Variants in AFG2A observed in about 807,000 individuals in gnomAD.
AFG2A encodes the protein AAA ATPase AFG2A.
At chr4:123,101,583 A>G in the AFG2A span, among the ~76,000 whole-genome samples, 1 of 151,944 alleles carries the variant, frequency 6.6e-6, no homozygotes, top group Non-Finnish European at 1.5e-5. Flanking sequence ...TGCTCTTTAT[A>G]GTTGCCGTTT....
chr4:122,981,291 T>C, the AFG2A span, among the ~76,000 whole-genome samples: 1 of 152,166 alleles, frequency 6.6e-6, no homozygotes, highest in South Asian at 2.1e-4. Context: ...GCTTTCGTCA[T>C]TGCGTGTTCT....
chr4:123,026,721 A>G, the AFG2A span, among the ~76,000 whole-genome samples: 2 of 152,210 alleles, frequency 1.3e-5, no homozygotes, highest in Non-Finnish European at 1.5e-5. Context: ...ATGGTGGAGT[A>G]TTCGTTACAA....
the AFG2A span, among the ~76,000 whole-genome samples, chr4:123,076,764 T>C: frequency 1.3e-5 from 2 of 152,174 alleles, no homozygotes; most frequent in Non-Finnish European, 2.9e-5. Flanking sequence ...TAAAGATAAC[T>C]GCAACACTGT....
the AFG2A span, among the ~76,000 whole-genome samples, chr4:123,007,124 T>G: frequency 6.6e-6 from 1 of 152,110 alleles, no homozygotes; most frequent in Non-Finnish European, 1.5e-5. Context: ...AGTGTAATTT[T>G]GAGGTGTGGT....
At chr4:122,971,639 ATT>A in the AFG2A span, among the ~76,000 whole-genome samples, 1 of 152,182 alleles carries the variant, frequency 6.6e-6, no homozygotes, top group African/African-American at 2.4e-5. Flanking sequence ...CTCATTCTTG[ATT>A]TAATAGAAAG....
chr4:123,012,660 G>T, the AFG2A span, among the ~76,000 whole-genome samples: 1 of 152,152 alleles, frequency 6.6e-6, no homozygotes, highest in African/African-American at 2.4e-5. Context: ...CGGATAAAAC[G>T]CATCTCCTTT....
At chr4:123,074,158 A>G in the AFG2A span, among the ~76,000 whole-genome samples, 1 of 137,364 alleles carries the variant, frequency 7.3e-6, no homozygotes, top group South Asian at 2.3e-4. Flanking sequence ...CAGTGGCGCG[A>G]ACTTGGCTCA....
chr4:123,039,416 A>C, the AFG2A span, among the ~76,000 whole-genome samples: 2 of 152,010 alleles, frequency 1.3e-5, no homozygotes, highest in African/African-American at 2.4e-5. Context: ...TAAAATCTGC[A>C]TACAAATTTC....
the AFG2A span, among the ~76,000 whole-genome samples, chr4:123,229,860 A>G: frequency 2.6e-5 from 4 of 152,012 alleles, no homozygotes; most frequent in African/African-American, 4.8e-5. Context: ...GGAATCATTT[A>G]TATGCATACT....
the AFG2A span, among the ~76,000 whole-genome samples, chr4:122,994,663 T>C: frequency 6.6e-6 from 1 of 151,488 alleles, no homozygotes; most frequent in Non-Finnish European, 1.5e-5. Context: ...AATGAGCTAA[T>C]GTATAAACCA....
chr4:122,965,796 A>C, the AFG2A span, among the ~76,000 whole-genome samples: 17,308 of 152,158 alleles, frequency 0.11, 1,073 homozygotes, highest in Middle Eastern at 0.21. Flanking sequence ...TTCTAAAAAT[A>C]TATGTATTTT....
the AFG2A span, among the ~76,000 whole-genome samples, chr4:123,168,996 G>A: frequency 6.6e-6 from 1 of 152,216 alleles, no homozygotes; most frequent in African/African-American, 2.4e-5. Flanking sequence ...ACTAGTGTCT[G>A]TCCTGAGTTG....
chr4:123,304,488 G>T, the AFG2A span, among the ~76,000 whole-genome samples: 1,482 of 152,310 alleles, frequency 9.7e-3, 15 homozygotes, highest in Non-Finnish European at 0.014. Flanking sequence ...CGGGTGAGCA[G>T]AGGCAACACA....
chr4:123,109,489 A>G, the AFG2A span, among the ~76,000 whole-genome samples: 2 of 152,138 alleles, frequency 1.3e-5, no homozygotes, highest in African/African-American at 4.8e-5. Context: ...TGGCTTATAG[A>G]AAGGTATTAG....
At chr4:123,253,760 G>A in the AFG2A span, among the ~76,000 whole-genome samples, 1 of 152,108 alleles carries the variant, frequency 6.6e-6, no homozygotes, top group Admixed American at 6.5e-5. Flanking sequence ...GTTATGATGT[G>A]GTGGGTTTAA....
chr4:122,995,471 A>G, the AFG2A span, among the ~76,000 whole-genome samples: 7 of 152,262 alleles, frequency 4.6e-5, no homozygotes, highest in African/African-American at 1.7e-4. Flanking sequence ...TTTACCAGGA[A>G]ATAGTGCCAG....
the AFG2A span, among the ~76,000 whole-genome samples, chr4:122,981,672 T>C: frequency 1.3e-5 from 2 of 152,078 alleles, no homozygotes; most frequent in African/African-American, 4.8e-5. Flanking sequence ...CATTATTCTA[T>C]GTATTTGTGT....
the AFG2A span, among the ~76,000 whole-genome samples, chr4:122,976,985 A>C: frequency 6.6e-6 from 1 of 152,174 alleles, no homozygotes; most frequent in East Asian, 1.9e-4. Flanking sequence ...TGCCAAAACT[A>C]AGTGCTTGGA....
the AFG2A span, among the ~76,000 whole-genome samples, chr4:123,108,026 G>A: frequency 8.5e-5 from 13 of 152,304 alleles, no homozygotes; most frequent in African/African-American, 3.1e-4. Context: ...CAACTGCAGT[G>A]AGCCCCGCCC....
Sources: allele counts gnomAD v4.1 joint callset (sites outside exome capture counted in the v4.1 genomes callset), GRCh38; gene constraint gnomAD v4.1.1; transcripts MANE v1.5; gene names NCBI Gene and HGNC (gene_info 2026-07-23, HGNC 2026-07-21).